The following NR6A1 variants were observed in gnomAD, a reference collection of about 807,000 sequenced individuals.
NR6A1 encodes nuclear receptor subfamily 6 group A member 1.
A neutral mutation model predicts 59.1 loss-of-function variants in NR6A1; 7 were observed. The ratio of observed to expected loss-of-function variants is 0.12; its 90% CI spans 0.07 to 0.22. The LOEUF is 0.22. Among genes scored for constraint, NR6A1 ranks in the 10% least tolerant of loss-of-function variants. The pLI is 1.00. For synonymous variants in NR6A1, 243 were observed against 236.1 expected, an observed-to-expected ratio of 1.03 and a Z score of -0.27; for missense variants, 468 against 611.6, an observed-to-expected ratio of 0.77 and a Z score of 2.48.
At chr9:124,765,663 T>A (rs1333712781) in intron 1 of NR6A1, among the ~76,000 whole-genome samples, 1 of 152,116 alleles carries the variant, frequency 6.6e-6, no homozygotes, top group Non-Finnish European at 1.5e-5. Context: ...GCTGAGGAAA[T>A]CCTGGTCCGC....
intron 1 of NR6A1, among the ~76,000 whole-genome samples, chr9:124,737,591 C>T (rs760670600): frequency 2.6e-5 from 4 of 152,178 alleles, no homozygotes; most frequent in Admixed American, 2.0e-4. Flanking sequence ...CTTGGCCGGG[C>T]GCAGTGGCTC....
chr9:124,534,039 T>C (rs1442669679), intron 7 of NR6A1, among the ~76,000 whole-genome samples: 1 of 151,816 alleles, frequency 6.6e-6, no homozygotes, highest in Non-Finnish European at 1.5e-5. Flanking sequence ...TTTATTGAAA[T>C]GTCTATTTAA....
At chr9:124,544,615 AG>A (rs1421714861) in intron 3 of NR6A1, among the ~76,000 whole-genome samples, 1 of 152,202 alleles carries the variant, frequency 6.6e-6, no homozygotes, top group African/African-American at 2.4e-5. Context: ...AGAGTGCTCC[AG>A]GTTGAGCGAA....
rs140220137 is a variant in NR6A1, at chr9:124,741,433, T to C, written c.101-8084A>G. Among the ~76,000 whole-genome samples, 423 of 152,334 alleles carry C rather than the reference T, an allele frequency of 2.8e-3. 2 individuals carry two copies. The highest frequency in any genetic ancestry group is 9.7e-3 in the African/African-American group (404 of 41,578). On this transcript the variant is annotated intron_variant, in intron 1 of 9. Transcript: ENST00000487099. ...AAATATTAAGTATCTACCCATACTG[T>C]AACAGGCCAGAGGCCTCGAAGGTAG...
chr9:124,697,005 T>C (rs1346594141), intron 2 of NR6A1, among the ~76,000 whole-genome samples: 1 of 152,164 alleles, frequency 6.6e-6, no homozygotes, highest in African/African-American at 2.4e-5. Context: ...TCCATATCGA[T>C]ATATCAGAAC....
At chr9:124,545,111 C>T (rs1833560832) in intron 3 of NR6A1, among the ~76,000 whole-genome samples, 1 of 152,166 alleles carries the variant, frequency 6.6e-6, no homozygotes, top group Non-Finnish European at 1.5e-5. Flanking sequence ...AAAAGGCTGA[C>T]AGGAAATTCA....
intron 1 of NR6A1, among the ~76,000 whole-genome samples, chr9:124,767,920 T>C (rs1214312222): frequency 6.6e-6 from 1 of 152,236 alleles, no homozygotes; most frequent in African/African-American, 2.4e-5. Flanking sequence ...ATATTCAGCA[T>C]ACACTTCCTC....
At chr9:124,769,416 G>A (rs916717397) in intron 1 of NR6A1, among the ~76,000 whole-genome samples, 2 of 152,148 alleles carry the variant, frequency 1.3e-5, no homozygotes, top group Non-Finnish European at 2.9e-5. Flanking sequence ...AACGTATGAA[G>A]GCACGGATCC....
chr9:124,616,493 G>A (rs1426440125), intron 2 of NR6A1, among the ~76,000 whole-genome samples: 3 of 151,320 alleles, frequency 2.0e-5, no homozygotes, highest in Non-Finnish European at 4.4e-5. Context: ...TATACTGAGG[G>A]GGTGTCTTTC....
intron 1 of NR6A1, among the ~76,000 whole-genome samples, chr9:124,764,780 C>A (rs1212524382): frequency 6.6e-6 from 1 of 152,196 alleles, no homozygotes; most frequent in African/African-American, 2.4e-5. Flanking sequence ...CTCACTTGGG[C>A]AGTGAGTGCA....
At chr9:124,543,709 C>T (rs1183104763) in intron 4 of NR6A1, 93 bp downstream of exon 4, 6 of 909,260 alleles carry the variant, frequency 6.6e-6, no homozygotes, top group Non-Finnish European at 9.9e-6. Flanking sequence ...CTCTCCTCAG[C>T]AGCAGATGAA....
intron 3 of NR6A1, among the ~76,000 whole-genome samples, chr9:124,544,227 T>C (rs1420803547): frequency 1.3e-5 from 2 of 152,230 alleles, no homozygotes; most frequent in Non-Finnish European, 2.9e-5. Context: ...TTAAATAAAA[T>C]AGTTTGTATT....
intron 2 of NR6A1, among the ~76,000 whole-genome samples, chr9:124,586,874 CA>C (rs1834952603): frequency 6.6e-6 from 1 of 152,212 alleles, no homozygotes; most frequent in Admixed American, 6.5e-5. Flanking sequence ...TAGAATATTA[CA>C]TTAACTTCAT....
chr9:124,532,759 TG>T (rs1245106218), intron 7 of NR6A1, among the ~76,000 whole-genome samples: 2 of 152,192 alleles, frequency 1.3e-5, no homozygotes, highest in African/African-American at 2.4e-5. Flanking sequence ...ATGATAAAAA[TG>T]ATCTTTATTT....
Position 124,660,530 on chromosome 9 carries a change from C to T in NR6A1, c.142+72778G>A, listed in dbSNP as rs552248981. On this transcript the variant is annotated intron_variant, in intron 2 of 9. Coordinates refer to ENST00000487099, the MANE Select transcript of NR6A1 (RefSeq NM_033334.4). Reference sequence around the variant, plus strand: ...CACCATTCGCCCCACTGGACAATAGCGATTTGTTAGCACAGAGTCACAGGC... The same window carrying T: ...CACCATTCGCCCCACTGGACAATAGTGATTTGTTAGCACAGAGTCACAGGC... Among the ~76,000 whole-genome samples, 64 of 151,820 alleles carry T rather than the reference C, an allele frequency of 4.2e-4. 1 individual carries two copies. In the Middle Eastern group the frequency reaches 0.01, roughly 24 times the overall value.
At chr9:124,566,656 C>T (rs987528707) in intron 2 of NR6A1, among the ~76,000 whole-genome samples, 2 of 152,064 alleles carry the variant, frequency 1.3e-5, no homozygotes, top group East Asian at 1.9e-4. Context: ...GCTTGCTGAC[C>T]GACTGGACCA....
chr9:124,562,146 T>C (rs1007143534), intron 2 of NR6A1, among the ~76,000 whole-genome samples: 1 of 152,192 alleles, frequency 6.6e-6, no homozygotes, highest in African/African-American at 2.4e-5. Flanking sequence ...GGGTTTCCTC[T>C]GAGAAGAATC....
At chr9:124,546,115 C>CA (rs1445218414) in intron 3 of NR6A1, among the ~76,000 whole-genome samples, 2 of 151,998 alleles carry the variant, frequency 1.3e-5, no homozygotes, top group Non-Finnish European at 2.9e-5. Context: ...AACTCCATCT[C>CA]AAAAAAATGT....
intron 7 of NR6A1, among the ~76,000 whole-genome samples, chr9:124,530,613 A>C (rs1433268882): frequency 6.6e-6 from 1 of 152,196 alleles, no homozygotes; most frequent in Non-Finnish European, 1.5e-5. Context: ...ATTGAAACTG[A>C]CACTATGTAA....
Sources: allele counts gnomAD v4.1 joint callset (sites outside exome capture counted in the v4.1 genomes callset), GRCh38; gene constraint gnomAD v4.1.1; transcripts MANE v1.5; gene names NCBI Gene and HGNC (gene_info 2026-07-23, HGNC 2026-07-21).